The following ATRNL1 variants were observed in gnomAD, a reference collection of about 807,000 sequenced individuals.
The protein encoded by ATRNL1 is attractin-like protein 1.
ATRNL1 carries 95 observed loss-of-function variants against 182.7 expected under a neutral mutation model. The observed-to-expected ratio is 0.52, with a 90% CI of 0.44 to 0.62. The LOEUF (loss-of-function observed/expected upper bound fraction) is 0.62, where lower values mean the gene tolerates loss of function less well. Among genes scored for constraint, ATRNL1 ranks in the 20% least tolerant of loss-of-function variants. The probability of loss-of-function intolerance (pLI) is 0.00; values close to 1 mark genes in which losing one functional copy is unlikely to be tolerated. For missense variants in ATRNL1, 1,471 were observed against 1,679.5 expected (o/e 0.88, Z 2.17); for synonymous variants, 576 against 568.3 (o/e 1.01, Z -0.19).
intron 28 of ATRNL1, among the ~76,000 whole-genome samples, chr10:115,869,287 TC>T (rs1233438436): frequency 5.3e-5 from 8 of 152,206 alleles, no homozygotes; most frequent in Non-Finnish European, 7.3e-5. Context: ...ATTTAAGGCC[TC>T]ATAGTGGGAG....
chr10:115,629,836 A>T (rs1858365481), intron 26 of ATRNL1, among the ~76,000 whole-genome samples: 1 of 152,114 alleles, frequency 6.6e-6, no homozygotes, highest in South Asian at 2.1e-4. Flanking sequence ...GTACATCTAA[A>T]TCGGATTGAG....
At chr10:115,832,588 G>A (rs1950582974) in intron 27 of ATRNL1, among the ~76,000 whole-genome samples, 1 of 152,170 alleles carries the variant, frequency 6.6e-6, no homozygotes, top group South Asian at 2.1e-4. Flanking sequence ...TGCTAGTATG[G>A]AAAGTGGGGA....
rs1952247913 is a variant in ATRNL1, at chr10:115,897,862, T to C, written c.4019-46796T>C. On this transcript the variant is annotated intron_variant, in intron 28 of 28. Transcript: ENST00000355044. ...CTAATAGGTCATAAGTGATCATTCA[T>C]GTTAGTCGTAACTTGCATTTCTTTA... Among the ~76,000 whole-genome samples the C allele has an allele frequency of 2.0e-5, 3 of 152,234 alleles. No homozygotes were observed. The South Asian group carries it at 6.2e-4, about 32-fold the overall frequency.
intron 28 of ATRNL1, among the ~76,000 whole-genome samples, chr10:115,878,006 G>C (rs1951737329): frequency 6.6e-6 from 1 of 152,156 alleles, no homozygotes; most frequent in Non-Finnish European, 1.5e-5. Context: ...ACGACTCCCA[G>C]ATCAGAGGGG....
intron 6 of ATRNL1, among the ~76,000 whole-genome samples, chr10:115,164,392 A>G (rs2144035059): frequency 1.3e-5 from 2 of 152,294 alleles, no homozygotes; most frequent in African/African-American, 4.8e-5. Context: ...GGGTATGTAA[A>G]GTAGCACAGT....
rs191893790 is a variant in ATRNL1, at chr10:115,679,859, C to T, written c.3796-47389C>T. The stretch of plus-strand genomic sequence containing the variant: ...ATTCCATTTCATTTCTCTTTGCAAA[C>T]TGACATTACTTTTTGATTAAAGGTC... On this transcript the variant is annotated intron_variant, in intron 26 of 28. Coordinates refer to ENST00000355044, the MANE Select transcript of ATRNL1 (RefSeq NM_207303.4). Among the ~76,000 whole-genome samples, 383 of 152,188 alleles carry T rather than the reference C, an allele frequency of 2.5e-3. 3 individuals carry two copies. Among genetic ancestry groups the T allele is most frequent in the Non-Finnish European group, 3.7e-4 (25 of 67,992 alleles).
intron 27 of ATRNL1, among the ~76,000 whole-genome samples, chr10:115,828,321 AAAAAAG>A (rs1329332606): frequency 6.6e-6 from 1 of 150,566 alleles, no homozygotes; most frequent in African/African-American, 2.5e-5. Context: ...CCGTCTCAAA[AAAAAAG>A]AAAAGAAAAG....
chr10:115,321,908 T>A (rs1554931650), intron 18 of ATRNL1, among the ~76,000 whole-genome samples: 1 of 152,066 alleles, frequency 6.6e-6, no homozygotes, highest in Non-Finnish European at 1.5e-5. Context: ...ACAAATGAAT[T>A]CAGTAAAGTT....
In ATRNL1 at chr10:115,711,588, C is replaced by T. The variant is rs903839519; in HGVS notation, c.3796-15660C>T. Among the ~76,000 whole-genome samples the T allele has an allele frequency of 2.6e-5, 4 of 152,132 alleles. No homozygotes were observed. The East Asian group carries it at 7.7e-4, about 29-fold the overall frequency. On this transcript the variant is annotated intron_variant, in intron 26 of 28. Transcript: ENST00000355044. ...TGGTCAACTATGTGAGGGAGGAGAT[C>T]AGCAGTTTATTTGGGCAGGAGGCGA...
Position 115,114,336 on chromosome 10 carries a change from T to A in ATRNL1, c.294-5849T>A, listed in dbSNP as rs374395820. Among the ~76,000 whole-genome samples the A allele has an allele frequency of 1.6e-4, 24 of 152,336 alleles. 1 individual carries two copies. The highest frequency in any genetic ancestry group is 5.3e-4 in the African/African-American group (22 of 41,586). The stretch of plus-strand genomic sequence containing the variant: ...TAGGAGAAAAGCTATGACTTTGGTC[T>A]GAGCAATGACTTCTTGCATGATTCC... On this transcript the variant is annotated intron_variant, in intron 1 of 28. Coordinates refer to ENST00000355044, the MANE Select transcript of ATRNL1 (RefSeq NM_207303.4).
At chr10:115,177,902 TG>T (rs1351323787) in intron 8 of ATRNL1, among the ~76,000 whole-genome samples, 15 of 130,800 alleles carry the variant, frequency 1.1e-4, no homozygotes, top group African/African-American at 4.4e-4. Flanking sequence ...TTTGTTTTTT[TG>T]TTTTTTTTGT....
At chr10:115,368,906 G>T (rs1258085454) in intron 19 of ATRNL1, among the ~76,000 whole-genome samples, 5 of 151,846 alleles carry the variant, frequency 3.3e-5, no homozygotes, top group Non-Finnish European at 5.9e-5. Flanking sequence ...TAGAGACGGG[G>T]TTTCACCATG....
intron 25 of ATRNL1, among the ~76,000 whole-genome samples, chr10:115,521,581 T>C (rs1554985219): frequency 6.6e-6 from 1 of 152,238 alleles, no homozygotes; most frequent in Non-Finnish European, 1.5e-5. Context: ...TTTTAAGCTT[T>C]TGAATTTGTG....
intron 10 of ATRNL1, among the ~76,000 whole-genome samples, chr10:115,242,058 G>T (rs1362571568): frequency 1.3e-5 from 2 of 151,916 alleles, no homozygotes; most frequent in Non-Finnish European, 2.9e-5. Context: ...GGTAGATATG[G>T]AATACTGTTG....
chr10:115,696,126 CTG>C (rs1946550855), intron 26 of ATRNL1, among the ~76,000 whole-genome samples: 3 of 111,738 alleles, frequency 2.7e-5, no homozygotes, highest in Non-Finnish European at 7.0e-5. Flanking sequence ...TCTCGATCTC[CTG>C]AGCTCGTGAT....
chr10:115,836,624 G>C (rs764542346), intron 27 of ATRNL1, among the ~76,000 whole-genome samples: 1 of 152,082 alleles, frequency 6.6e-6, no homozygotes, highest in Non-Finnish European at 1.5e-5. Flanking sequence ...TGAACTCTTC[G>C]GTGACTCTCC....
intron 25 of ATRNL1, among the ~76,000 whole-genome samples, chr10:115,527,602 T>C (rs1851289905): frequency 6.6e-6 from 1 of 152,190 alleles, no homozygotes; most frequent in Non-Finnish European, 1.5e-5. Context: ...TTTGTGTCTA[T>C]GGAGGTTTTT....
chr10:115,737,812 T>C (rs1324079955), intron 27 of ATRNL1, among the ~76,000 whole-genome samples: 2 of 152,140 alleles, frequency 1.3e-5, no homozygotes, highest in Admixed American at 1.3e-4. Context: ...AGTCCAGGTA[T>C]AGTCTTTTAG....
intron 26 of ATRNL1, among the ~76,000 whole-genome samples, chr10:115,695,652 G>A (rs958300735): frequency 6.6e-6 from 1 of 151,730 alleles, no homozygotes; most frequent in East Asian, 1.9e-4. Context: ...AAAATACTAA[G>A]GATATTAAAT....
Sources: gnomAD v4.1 joint callset for allele counts (sites outside exome capture counted in the v4.1 genomes callset) on GRCh38, gnomAD v4.1.1 for gene constraint, MANE v1.5 for transcripts, NCBI Gene and HGNC (gene_info 2026-07-23, HGNC 2026-07-21) for gene names.